KCTD1: variants seen among roughly 807,000 people sequenced by gnomAD.
KCTD1 encodes potassium channel tetramerization domain containing 1.
In KCTD1, 24 loss-of-function variants were observed where a neutral mutation model predicts 66.0. The ratio of observed to expected loss-of-function variants is 0.36; its 90% confidence interval spans 0.26 to 0.51. The LOEUF is 0.51. KCTD1 is among the 20% of genes least tolerant of loss of function. The pLI is 0.95. For missense variants in KCTD1, 943 were observed against 1,205.2 expected (o/e 0.78, Z 3.22); for synonymous variants, 511 against 517.2 (o/e 0.99, Z 0.16).
At chr18:26,528,836 G>A (rs965337170) in intron 1 of KCTD1, among the ~76,000 whole-genome samples, 44 of 152,066 alleles carry the variant, frequency 2.9e-4, no homozygotes, top group Admixed American at 3.9e-4. Flanking sequence ...CCTCCTCCCC[G>A]GCCACTTGTA....
chr18:26,629,102 T>C, intron 1 of KCTD1: 1 of 911,606 alleles, frequency 1.1e-6, no homozygotes, highest in Non-Finnish European at 1.3e-6. Context: ...TGGCAACAAA[T>C]CTACAACAAA....
At chr18:26,554,529 C>T (rs1941161) in intron 1 of KCTD1, among the ~76,000 whole-genome samples, 4,647 of 152,220 alleles carry the variant, frequency 0.031, 100 homozygotes, top group Admixed American at 0.057. Context: ...ACAAAAGGAA[C>T]GCCCACAAAT....
chr18:26,653,874 C>T (rs1454357366), intron 1 of KCTD1, among the ~76,000 whole-genome samples: 2 of 152,148 alleles, frequency 1.3e-5, no homozygotes, highest in Non-Finnish European at 2.9e-5. Flanking sequence ...CACTTTTATT[C>T]CCAAGATAGT....
chr18:26,541,227 A>T (rs1209327421), intron 1 of KCTD1, among the ~76,000 whole-genome samples: 1 of 152,232 alleles, frequency 6.6e-6, no homozygotes, highest in Non-Finnish European at 1.5e-5. Context: ...GAGAAAGAGG[A>T]GCTGAATCAC....
chr18:26,634,652 A>C (rs975001276), intron 1 of KCTD1, among the ~76,000 whole-genome samples: 2 of 152,238 alleles, frequency 1.3e-5, no homozygotes, highest in African/African-American at 4.8e-5. Flanking sequence ...AATGCTGTCA[A>C]TCTTGTAGAT....
intron 1 of KCTD1, among the ~76,000 whole-genome samples, chr18:26,582,833 A>G (rs1285160167): frequency 2.0e-5 from 3 of 152,034 alleles, no homozygotes; most frequent in Non-Finnish European, 4.4e-5. Context: ...ATTTATATGG[A>G]GTTCTTTGCA....
At chr18:26,628,412 G>C (rs1987548287) in intron 1 of KCTD1, among the ~76,000 whole-genome samples, 1 of 151,968 alleles carries the variant, frequency 6.6e-6, no homozygotes, top group Non-Finnish European at 1.5e-5. Flanking sequence ...TTCCATGCAA[G>C]TTTCTTTTAA....
intron 3 of KCTD1, among the ~76,000 whole-genome samples, chr18:26,469,863 C>T (rs955048470): frequency 6.6e-6 from 1 of 152,218 alleles, no homozygotes; most frequent in African/African-American, 2.4e-5. Context: ...CCTGGAGAAT[C>T]GCTTGAACCT....
upstream of KCTD1, among the ~76,000 whole-genome samples, chr18:26,630,443 G>C (rs1410320379): frequency 6.6e-6 from 1 of 152,116 alleles, no homozygotes; most frequent in Admixed American, 6.5e-5. Flanking sequence ...AGGCTTCTGA[G>C]TAGCTAGGAC....
chr18:26,596,457 G>C (rs964164115), intron 1 of KCTD1, among the ~76,000 whole-genome samples: 4 of 152,198 alleles, frequency 2.6e-5, no homozygotes, highest in African/African-American at 9.6e-5. Flanking sequence ...AAGTCACCTA[G>C]TCTATGCTAT....
chr18:26,549,333 C>G, upstream of KCTD1: 1 of 985,528 alleles, frequency 1.0e-6, no homozygotes, highest in Non-Finnish European at 1.2e-6. Context: ...ACACGCCCCA[C>G]GTCAGCCACA....
chr18:26,517,340 G>A (rs1983701862), intron 1 of KCTD1, among the ~76,000 whole-genome samples: 1 of 152,064 alleles, frequency 6.6e-6, no homozygotes, highest in South Asian at 2.1e-4. Context: ...TAAGTCTCAC[G>A]AGATCTGATG....
At chr18:26,540,434 G>T (rs1598928910) in intron 1 of KCTD1, among the ~76,000 whole-genome samples, 1 of 152,184 alleles carries the variant, frequency 6.6e-6, no homozygotes, top group Admixed American at 6.5e-5. Context: ...CTTGACCCTT[G>T]AATGACAGGG....
intron 1 of KCTD1, among the ~76,000 whole-genome samples, chr18:26,609,626 C>G (rs935976740): frequency 2.6e-5 from 4 of 152,160 alleles, no homozygotes; most frequent in Admixed American, 2.0e-4. Context: ...GGAAACCCTG[C>G]CTTTGAGCTC....
At chr18:26,551,723 C>T (rs1985573952), upstream of KCTD1, among the ~76,000 whole-genome samples, 1 of 152,130 alleles carries the variant, frequency 6.6e-6, no homozygotes, top group South Asian at 2.1e-4. Context: ...TAGTTCAATT[C>T]CAAGTTTAAT....
intron 1 of KCTD1, among the ~76,000 whole-genome samples, chr18:26,618,139 C>T (rs1987299245): frequency 6.6e-6 from 1 of 151,578 alleles, no homozygotes; most frequent in South Asian, 2.1e-4. Context: ...AGCCATGTGA[C>T]CTTAAGCAAG....
intron 1 of KCTD1, among the ~76,000 whole-genome samples, chr18:26,507,244 T>C (rs1455341726): frequency 1.3e-5 from 2 of 152,228 alleles, no homozygotes; most frequent in African/African-American, 4.8e-5. Context: ...TTGGACAGTG[T>C]AGTAACTTTG....
intron 1 of KCTD1, among the ~76,000 whole-genome samples, chr18:26,573,023 C>A (rs907881589): frequency 1.3e-5 from 2 of 151,798 alleles, no homozygotes; most frequent in African/African-American, 2.4e-5. Context: ...AATAACCACC[C>A]CCCCCTTTTT....
At chr18:26,538,877 G>A (rs1445309968) in intron 1 of KCTD1, among the ~76,000 whole-genome samples, 1 of 152,126 alleles carries the variant, frequency 6.6e-6, no homozygotes, top group Non-Finnish European at 1.5e-5. Flanking sequence ...CTCAAATGAG[G>A]TTGCTCCAAA....
Sources: allele counts gnomAD v4.1 joint callset (sites outside exome capture counted in the v4.1 genomes callset), GRCh38; gene constraint gnomAD v4.1.1; transcripts MANE v1.5; gene names NCBI Gene and HGNC (gene_info 2026-07-23, HGNC 2026-07-21).